The following RADIL variants were observed in gnomAD, a reference collection of about 807,000 sequenced individuals.
RADIL encodes the protein ras-associating and dilute domain-containing protein.
A neutral mutation model predicts 97.6 loss-of-function variants in RADIL; 99 were observed. The observed-to-expected ratio is 1.01, with a 90% confidence interval of 0.86 to 1.20. The LOEUF is 1.20. RADIL is among the 50% of genes most tolerant of loss of function. The pLI is 0.00. For missense variants in RADIL, 1,765 were observed against 1,498.9 expected, an observed-to-expected ratio of 1.18 and a Z score of -2.93; for synonymous variants, 803 against 691.8, an observed-to-expected ratio of 1.16 and a Z score of -2.52.
At position 4,872,795 on chromosome 7, in the gene RADIL, C is replaced by T. The variant is rs1036877139; in HGVS notation, c.535+4810G>A. On this transcript the variant is annotated intron_variant, in intron 2 of 14. Transcript: ENST00000399583. This position sits in a 1 kb window ranked among gnomAD's most constrained non-coding sequence, Gnocchi z 5.8. ...GCAGTGAACTAAGTGATGAGTGAAC[C>T]GGCAGGAAGCGCCTGGCTGACACCT... Among the ~76,000 whole-genome samples the T allele has an allele frequency of 4.6e-5, 7 of 152,068 alleles. No homozygotes were observed. The highest frequency in any genetic ancestry group is 1.4e-4 in the African/African-American group (6 of 41,408).
intron 2 of RADIL, chr7:4,858,172 G>C (rs765846399): frequency 2.0e-5 from 3 of 152,200 alleles, no homozygotes; most frequent in African/African-American, 4.8e-5. Context: ...AGTCTCTACA[G>C]CATAAAAGGA....
rs1289126476 is a variant in RADIL at position 4,879,150 on chromosome 7, T to A, written c.-64-947A>T. ...TGCAGGCATGGCCGGAATGCAGGCGTCCCGCCCACCACAGGCCGCGGGTGC... is the reference window on the plus strand; with the variant it reads ...TGCAGGCATGGCCGGAATGCAGGCGACCCGCCCACCACAGGCCGCGGGTGC... On this transcript the variant is annotated intron_variant, in intron 1 of 14. Coordinates refer to ENST00000399583, the MANE Select transcript of RADIL (RefSeq NM_018059.5). This position sits in a 1 kb window ranked among gnomAD's most constrained non-coding sequence, Gnocchi z 4.1. 6.6e-6 allele frequency among the ~76,000 whole-genome samples: 1 copy of A among 152,170 alleles called. No homozygotes were observed. The highest frequency in any genetic ancestry group is 1.5e-5 in the Non-Finnish European group (1 of 68,036).
intron 2 of RADIL, among the ~76,000 whole-genome samples, chr7:4,865,221 C>T (rs1054563011): frequency 3.3e-5 from 5 of 152,222 alleles, no homozygotes; most frequent in East Asian, 3.8e-4. Context: ...CAAATGAGCA[C>T]ATGTGCTTCT....
chr7:4,808,226 CCT>C (rs1265321300), intron 9 of RADIL, among the ~76,000 whole-genome samples: 3 of 149,366 alleles, frequency 2.0e-5, no homozygotes, highest in Non-Finnish European at 4.5e-5. Context: ...CCCTCCGCCC[CCT>C]CTCTCTCCCC....
At position 4,837,622 on chromosome 7, in the gene RADIL, T is replaced by G. The variant is rs1470402830; in HGVS notation, c.536-1017A>C. Among the ~76,000 whole-genome samples, 1 of 151,690 alleles carries G rather than the reference T, an allele frequency of 6.6e-6. No individual in the cohort carries two copies. Among genetic ancestry groups the G allele is most frequent in the Non-Finnish European group, 1.5e-5 (1 of 67,916 alleles). On this transcript the variant is annotated intron_variant, in intron 2 of 14. Transcript: ENST00000399583. The surrounding 1 kb of genome is among the most constrained non-coding windows in gnomAD (Gnocchi z 5.6). The stretch of plus-strand genomic sequence containing the variant: ...AAATGCACACACACATGCACACACA[T>G]GCACCCAAAAACACACATGCACACA...
rs1027786916 is a variant in RADIL at position 4,837,698 on chromosome 7, C to G, written c.536-1093G>C. On this transcript the variant is annotated intron_variant, in intron 2 of 14. Coordinates refer to ENST00000399583, the MANE Select transcript of RADIL (RefSeq NM_018059.5). This position sits in a 1 kb window ranked among gnomAD's most constrained non-coding sequence, Gnocchi z 5.6. ...ACCCACACACATTAACACATACATG[C>G]ACACAAACATGCGCACAGTTCAGAG... 1 of 427,718 alleles carries G rather than the reference C, an allele frequency of 2.3e-6. No individual in the cohort carries two copies. Among genetic ancestry groups the G allele is most frequent in the African/African-American group, 2.2e-5 (1 of 46,138 alleles). The allele number at this position is 427,718 out of a possible 1,614,324, so 26.5% of individuals were successfully genotyped here.
intron 2 of RADIL, among the ~76,000 whole-genome samples, chr7:4,865,185 G>C (rs983742255): frequency 3.9e-5 from 6 of 152,194 alleles, no homozygotes; most frequent in African/African-American, 1.4e-4. Context: ...CACCTCTTGA[G>C]AGTGAATTTC....
chr7:4,803,530 C>A lies in RADIL; in HGVS notation c.2499+16G>T, dbSNP rs1159756304. ...ACCTCGGGGCACGCTGGCTGGGGGG[C>A]CCCCTCCCCGGGTACCTCGGGGCAC... On this transcript the variant is annotated intron_variant, in intron 11 of 14. Transcript: ENST00000399583. 2.0e-6 allele frequency: 3 copies of A among 1,521,700 alleles called. No individual in the cohort carries two copies. In the East Asian group the frequency reaches 7.4e-5, roughly 38 times the overall value. 94.3% of individuals were successfully genotyped at this position (1,521,700 alleles called of 1,614,324 possible).
intron 9 of RADIL, chr7:4,806,099 G>A (rs141232049): frequency 0.022 from 21,131 of 947,528 alleles, 273 homozygotes; most frequent in Middle Eastern, 0.056. Flanking sequence ...AACCTGCCTG[G>A]AAGGCAGGGA....
chr7:4,816,914 GCCATGT>G (rs2115188929), intron 7 of RADIL, among the ~76,000 whole-genome samples: 1 of 152,298 alleles, frequency 6.6e-6, no homozygotes, highest in South Asian at 2.1e-4. Context: ...TGACAACAGG[GCCATGT>G]CCCTTGCGCC....
At chr7:4,875,471 A>G (rs1045617099) in intron 2 of RADIL, among the ~76,000 whole-genome samples, 7 of 151,490 alleles carry the variant, frequency 4.6e-5, no homozygotes, top group Admixed American at 4.6e-4. Flanking sequence ...ACCATCCTAC[A>G]CTGGCAGTCG....
intron 14 of RADIL, 44 bp from the exon 15 acceptor site, chr7:4,799,527 G>A (rs1782003840): frequency 6.2e-7 from 1 of 1,612,964 alleles, no homozygotes; most frequent in Non-Finnish European, 8.5e-7. Flanking sequence ...AGGGCACCAG[G>A]GGAGACCCAC....
intron 1 of RADIL, among the ~76,000 whole-genome samples, chr7:4,881,154 G>A (rs1233784058): frequency 6.3e-5 from 9 of 142,850 alleles, no homozygotes; most frequent in African/African-American, 2.3e-4. Context: ...GGTGGCTCAC[G>A]CTTGTAATCC....
chr7:4,837,957 C>T lies in RADIL; in HGVS notation c.536-1352G>A. The T allele has an allele frequency of 1.0e-6, 1 of 985,392 alleles. No individual in the cohort carries two copies. The highest frequency in any genetic ancestry group is 1.2e-6 in the Non-Finnish European group (1 of 829,924). The allele number at this position is 985,392 out of a possible 1,614,324, so 61.0% of individuals were successfully genotyped here. On this transcript the variant is annotated intron_variant, in intron 2 of 14. Transcript: ENST00000399583. This position sits in a 1 kb window ranked among gnomAD's most constrained non-coding sequence, Gnocchi z 5.6. ...TCCAACCATTCCCAATAAAACCAAA[C>T]AAAAGCCGGATGGAGGGAGGCGTCA... is the stretch of plus-strand genomic sequence containing the variant.
rs896896124 is a variant in RADIL at position 4,837,009 on chromosome 7, C to A, written c.536-404G>T. 2.6e-5 allele frequency among the ~76,000 whole-genome samples: 4 copies of A among 152,172 alleles called. No individual in the cohort carries two copies. The highest frequency in any genetic ancestry group is 9.7e-5 in the African/African-American group (4 of 41,436). On this transcript the variant is annotated intron_variant, in intron 2 of 14. Coordinates refer to ENST00000399583, the MANE Select transcript of RADIL (RefSeq NM_018059.5). The surrounding 1 kb of genome is among the most constrained non-coding windows in gnomAD (Gnocchi z 5.6). ...CCTTCTGAGTTCAAATCCCACTAAG[C>A]CACGTCTCCTAATGCCGTTACTGTT...
rs200079648 is a variant in RADIL at position 4,832,244 on chromosome 7, T to TAC, written c.1417-68_1417-67dup. The TAC allele has an allele frequency of 8.3e-4, 1,191 of 1,438,146 alleles. 4 individuals are homozygous for TAC. The highest frequency in any genetic ancestry group is 1.3e-3 in the African/African-American group (77 of 57,564). 89.1% of individuals were successfully genotyped at this position (1,438,146 alleles called of 1,614,324 possible). A position where few individuals can be genotyped will look rare whatever the true frequency, so the allele number is the denominator to read the frequency against. ...AGGCTAACACAGGGACGCGTTCAAA[T>TAC]ACACGATACCATCGACAGGAAAACA... On this transcript the variant is annotated intron_variant, in intron 4 of 14. Coordinates refer to ENST00000399583, the MANE Select transcript of RADIL (RefSeq NM_018059.5).
At chr7:4,853,580 T>C (rs1196251901) in intron 2 of RADIL, among the ~76,000 whole-genome samples, 3 of 151,856 alleles carry the variant, frequency 2.0e-5, no homozygotes, top group Non-Finnish European at 4.4e-5. Flanking sequence ...CCGTCTCTAC[T>C]AAAAATACAA....
chr7:4,845,647 A>ATT (rs149860514), intron 2 of RADIL, among the ~76,000 whole-genome samples: 1 of 152,034 alleles, frequency 6.6e-6, no homozygotes, highest in African/African-American at 2.4e-5. Context: ...GAGAGGTTCC[A>ATT]TTTTTTTAGA....
chr7:4,829,318 C>T (rs956061655), intron 5 of RADIL, among the ~76,000 whole-genome samples: 2 of 152,132 alleles, frequency 1.3e-5, no homozygotes, highest in African/African-American at 4.8e-5. Context: ...CAGGACCCAC[C>T]CCCAGTGCAT....
Sources: allele counts gnomAD v4.1 joint callset (sites outside exome capture counted in the v4.1 genomes callset), GRCh38; gene constraint gnomAD v4.1.1; non-coding constraint Gnocchi (gnomAD v3.1); transcripts MANE v1.5; gene names NCBI Gene and HGNC (gene_info 2026-07-23, HGNC 2026-07-21).